The following KCNH2 variants were observed in gnomAD, a reference collection of about 807,000 sequenced individuals.
The protein encoded by KCNH2 is voltage-gated inwardly rectifying potassium channel KCNH2.
KCNH2 carries 35 observed loss-of-function variants against 95.9 expected under a neutral mutation model. The observed-to-expected ratio is 0.37, with a 90% CI of 0.28 to 0.48. The LOEUF (loss-of-function observed/expected upper bound fraction) is 0.48. Ranked by LOEUF, KCNH2 falls within the 20% of genes least tolerant of loss-of-function variation. The probability of loss-of-function intolerance (pLI) is 0.99; values close to 1 mark genes in which losing one functional copy is unlikely to be tolerated. For missense variants in KCNH2, 1,274 were observed against 1,702.9 expected (o/e 0.75, Z 4.43); for synonymous variants, 786 against 754.7 (o/e 1.04, Z -0.68).
Position 150,978,083 on chromosome 7 carries a change from G to T in KCNH2, c.-170C>A, listed in dbSNP as rs1241479210. ...GGCGCCGGGTCCTCGCTCGGCTCCC[G>T]GCTCCCCGCTCCGGACCCCGGGCCC... On this transcript the variant is annotated 5_prime_UTR_variant, in exon 1 of 15. Coordinates refer to ENST00000262186, the MANE Select transcript of KCNH2 (RefSeq NM_000238.4). The T allele has an allele frequency of 2.4e-5, 5 of 204,930 alleles. No homozygotes were observed. The highest frequency in any genetic ancestry group is 1.7e-4 in the South Asian group (1 of 5,718). The allele number at this position is 204,930 out of a possible 1,614,324, so 12.7% of individuals were successfully genotyped here.
At chr7:150,957,601 G>A in intron 4 of KCNH2, 99 bp from the exon 5 acceptor site, 1 of 845,442 alleles carries the variant, frequency 1.2e-6, no homozygotes, top group Non-Finnish European at 2.0e-6. Flanking sequence ...TGCACAGTCA[G>A]GAGTCCATGG....
intron 2 of KCNH2, among the ~76,000 whole-genome samples, chr7:150,967,524 G>A (rs1000323501): frequency 2.6e-5 from 4 of 152,188 alleles, no homozygotes; most frequent in African/African-American, 9.7e-5. Flanking sequence ...GATAAAGGCT[G>A]CCCCACAATT....
chr7:150,954,092 G>A lies in KCNH2; in HGVS notation c.1129-1239C>T, dbSNP rs1276769989. On this transcript the variant is annotated intron_variant, in intron 5 of 14. Transcript: ENST00000262186. ...TTTGACCACCCTGGGGTGGACACAG[G>A]GCCTCCAGCGGTACCAGATGGGCTG... 2.6e-5 allele frequency among the ~76,000 whole-genome samples: 4 copies of A among 152,208 alleles called. No individual in the cohort carries two copies. In the East Asian group the frequency reaches 7.7e-4, roughly 29 times the overall value.
intron 6 of KCNH2, 54 bp from the exon 7 acceptor site, chr7:150,951,889 G>A: frequency 7.4e-6 from 11 of 1,495,804 alleles, no homozygotes; most frequent in Admixed American, 1.9e-5. Flanking sequence ...GGGCAAGGGA[G>A]GAGGGGAGGT....
At chr7:150,958,601 A>T (rs535158986) in intron 3 of KCNH2, 99 bp from the exon 4 acceptor site, 1 of 1,001,292 alleles carries the variant, frequency 1.0e-6, no homozygotes, top group South Asian at 2.0e-5. Context: ...TAAGGGAAGG[A>T]GGGGAACGGG....
chr7:150,964,308 G>A (rs1317264047), intron 2 of KCNH2, among the ~76,000 whole-genome samples: 2 of 152,218 alleles, frequency 1.3e-5, no homozygotes, highest in African/African-American at 4.8e-5. Context: ...TGCCTGCGAA[G>A]TGTTGAGCCA....
At chr7:150,967,796 T>C (rs2117041227) in intron 2 of KCNH2, among the ~76,000 whole-genome samples, 1 of 152,344 alleles carries the variant, frequency 6.6e-6, no homozygotes. Context: ...GTTGGATAAA[T>C]TGAAGAGAGA....
chr7:150,958,310 A>G lies in KCNH2; in HGVS notation c.665T>C (p.Val222Ala), dbSNP rs2117005357. 1 of 1,482,466 alleles carries G rather than the reference A, an allele frequency of 6.7e-7. No homozygotes were observed. The highest frequency in any genetic ancestry group is 8.9e-7 in the Non-Finnish European group (1 of 1,123,012). The allele number at this position is 1,482,466 out of a possible 1,614,324, so 91.8% of individuals were successfully genotyped here. A position where few individuals can be genotyped will look rare whatever the true frequency, so the allele number is the denominator to read the frequency against. ...CTCCTCCGCGGGCCCGAGCCCTGCC[A>G]CGTGGTTGTCCATGGCTGTCACTTC... ...LDEVTAMDNH[V>A]AGLGPAEERR... The change falls in exon 4 of 15, where the codon GTG becomes GCG. Residue 222 changes from valine (V) to alanine (A), a missense_variant. Val to Ala is a moderately conservative substitution (Grantham distance 64). Coordinates refer to ENST00000262186, the MANE Select transcript of KCNH2 (RefSeq NM_000238.4).
intron 7 of KCNH2, 61 bp downstream of exon 7, chr7:150,951,387 C>T: frequency 6.2e-7 from 1 of 1,602,868 alleles, no homozygotes; most frequent in Non-Finnish European, 8.5e-7. Flanking sequence ...GCCTCAGTTT[C>T]CTCCAACTTG....
intron 3 of KCNH2, among the ~76,000 whole-genome samples, chr7:150,958,804 A>G (rs1015755606): frequency 7.2e-5 from 11 of 152,272 alleles, no homozygotes; most frequent in Middle Eastern, 3.4e-3. Flanking sequence ...GTGGACACAA[A>G]GGCGTCATGT....
chr7:150,946,949 A>G lies in KCNH2; in HGVS notation c.3258T>C (p.Pro1086=). 1.9e-6 allele frequency: 3 copies of G among 1,603,718 alleles called. No individual in the cohort carries two copies. Among genetic ancestry groups the G allele is most frequent in the Non-Finnish European group, 2.6e-6 (3 of 1,173,254 alleles). The change falls in exon 14 of 15, where the codon CCT becomes CCC. Residue 1086 remains proline (P), a synonymous_variant. Coordinates refer to ENST00000262186, the MANE Select transcript of KCNH2 (RefSeq NM_000238.4). The surrounding 1 kb of genome is among the most constrained non-coding windows in gnomAD (Gnocchi z 6.5). ...ACAGCGGGGATGTGGAAGTGGGGCC[A>G]GGCCCCGGGGTGGTCACAGCACTGT... ...PAYSAVTTPG[P]GPTSTSPLLP...
rs1364581793 is a variant in KCNH2, at chr7:150,978,267, T to C, written c.-354A>G. 1 of 144,142 alleles carries C rather than the reference T, an allele frequency of 6.9e-6. No homozygotes were observed. The highest frequency in any genetic ancestry group is 1.5e-5 in the Non-Finnish European group (1 of 65,334). 8.9% of individuals were successfully genotyped at this position (144,142 alleles called of 1,614,324 possible). A position where few individuals can be genotyped will look rare whatever the true frequency, so the allele number is the denominator to read the frequency against. ...CGCCTGCCACCGCGCCGACAGCCGCTCCAGCGCCCGCGGCTCGGGCAGCGC... is the reference window on the plus strand; with the variant it reads ...CGCCTGCCACCGCGCCGACAGCCGCCCCAGCGCCCGCGGCTCGGGCAGCGC... On this transcript the variant is annotated 5_prime_UTR_variant, in exon 1 of 15. Transcript: ENST00000262186.
intron 2 of KCNH2, among the ~76,000 whole-genome samples, chr7:150,964,454 A>G (rs1251073985): frequency 2.0e-5 from 3 of 151,844 alleles, no homozygotes; most frequent in Admixed American, 2.0e-4. Flanking sequence ...GAGCCGAGCC[A>G]CTCTACCCCA....
chr7:150,959,758 C>T (rs189180737), intron 2 of KCNH2, 22 bp from the exon 3 acceptor site: 1 of 1,611,770 alleles, frequency 6.2e-7, no homozygotes, highest in African/African-American at 1.3e-5. Context: ...GAGGACATAG[C>T]CCCCTTGGCA....
At chr7:150,949,147 C>T (rs567543576) in intron 9 of KCNH2, 98 bp from the exon 10 acceptor site, 9 of 1,206,658 alleles carry the variant, frequency 7.5e-6, no homozygotes, top group Admixed American at 2.0e-5. Context: ...CAGAGCATGT[C>T]CCCTCAGCTG....
intron 2 of KCNH2, among the ~76,000 whole-genome samples, chr7:150,967,787 T>G (rs578210650): frequency 6.6e-6 from 1 of 152,174 alleles, no homozygotes. Flanking sequence ...AGTATCTTTG[T>G]TGGATAAATT....
intron 1 of KCNH2, among the ~76,000 whole-genome samples, chr7:150,976,805 G>T (rs1478299124): frequency 3.6e-5 from 4 of 112,026 alleles, no homozygotes; most frequent in African/African-American, 1.4e-4. Context: ...CCACCTCTCA[G>T]GGAGGCCCTC....
At position 150,965,101 on chromosome 7, in the gene KCNH2, C is replaced by A. The variant is rs1472349671; in HGVS notation, c.308-5365G>T. Among the ~76,000 whole-genome samples the A allele has an allele frequency of 2.0e-5, 3 of 151,778 alleles. No homozygotes were observed. In the East Asian group the frequency reaches 5.8e-4, roughly 29 times the overall value. ...GTGTGTGTGCTGAATGAGAGAGAGA[C>A]CAGTCCTAAGCTCCTGCCTCCAGGA... On this transcript the variant is annotated intron_variant, in intron 2 of 14. Coordinates refer to ENST00000262186, the MANE Select transcript of KCNH2 (RefSeq NM_000238.4).
intron 13 of KCNH2, 95 bp downstream of exon 13, chr7:150,947,233 C>T: frequency 8.3e-7 from 1 of 1,202,948 alleles, no homozygotes; most frequent in Non-Finnish European, 1.2e-6. Flanking sequence ...AGCTGCTGCA[C>T]ACACAGACAG....
Sources: allele counts gnomAD v4.1 joint callset (sites outside exome capture counted in the v4.1 genomes callset), GRCh38; gene constraint gnomAD v4.1.1; non-coding constraint Gnocchi (gnomAD v3.1); transcripts MANE v1.5; gene names NCBI Gene and HGNC (gene_info 2026-07-23, HGNC 2026-07-21).